Variants in TFPI observed in about 807,000 individuals in gnomAD.
TFPI encodes tissue factor pathway inhibitor, also known as anti-convertin.
TFPI carries 15 observed loss-of-function variants against 34.6 expected under a neutral mutation model. The observed-to-expected ratio is 0.43, with a 90% confidence interval of 0.29 to 0.67. TFPI has a LOEUF of 0.67. Ranked by LOEUF, TFPI falls within the 30% of genes least tolerant of loss-of-function variation. The pLI, the probability that TFPI is intolerant of heterozygous loss-of-function variation, is 0.15. For synonymous variants in TFPI, 105 were observed against 120.1 expected, an observed-to-expected ratio of 0.87 and a Z score of 0.82; for missense variants, 301 against 364.0, an observed-to-expected ratio of 0.83 and a Z score of 1.41.
intron 1 of TFPI, among the ~76,000 whole-genome samples, chr2:187,553,858 A>G (rs1204329368): frequency 6.6e-6 from 1 of 152,214 alleles, no homozygotes; most frequent in Non-Finnish European, 1.5e-5. Context: ...AACTTTCAAG[A>G]ACTTCCAATT....
rs1407092695 is a variant in TFPI, at chr2:187,497,424, C to T, written c.122-346G>A. On this transcript the variant is annotated intron_variant, in intron 2 of 7. Coordinates refer to ENST00000233156, the MANE Select transcript of TFPI (RefSeq NM_006287.6). ...CAGTTCTTTGAATTTCTCTCCCTAACCCACACTTGTGTCACTTTTTACACA... is the reference window on the plus strand; with the variant it reads ...CAGTTCTTTGAATTTCTCTCCCTAATCCACACTTGTGTCACTTTTTACACA... Among the ~76,000 whole-genome samples the T allele has an allele frequency of 2.0e-5, 3 of 151,984 alleles. No individual in the cohort carries two copies. The South Asian group carries it at 6.2e-4, about 31-fold the overall frequency.
chr2:187,513,032 G>A (rs1007571777), intron 1 of TFPI, among the ~76,000 whole-genome samples: 2 of 152,164 alleles, frequency 1.3e-5, no homozygotes, highest in Non-Finnish European at 2.9e-5. Flanking sequence ...TGTGCAAGGT[G>A]TATAAGGAAA....
At chr2:187,506,641 T>C (rs1170594512) in intron 1 of TFPI, among the ~76,000 whole-genome samples, 1 of 152,082 alleles carries the variant, frequency 6.6e-6, no homozygotes, top group Non-Finnish European at 1.5e-5. Context: ...ATCTTGACAG[T>C]TTTGAATAAT....
chr2:187,527,040 G>C (rs1189259977), intron 1 of TFPI: 1 of 151,920 alleles, frequency 6.6e-6, no homozygotes, highest in African/African-American at 2.4e-5. Flanking sequence ...TTTTTGTTTT[G>C]TTTTATCTTT....
intron 1 of TFPI, among the ~76,000 whole-genome samples, chr2:187,533,154 A>G (rs897528505): frequency 1.3e-5 from 2 of 152,160 alleles, no homozygotes; most frequent in African/African-American, 4.8e-5. Context: ...AGACTTAAAC[A>G]TTCGTGTCTG....
At chr2:187,487,384 A>G (rs1282428432) in intron 4 of TFPI, among the ~76,000 whole-genome samples, 1 of 151,468 alleles carries the variant, frequency 6.6e-6, no homozygotes, top group East Asian at 1.9e-4. Context: ...TCTTTATTTT[A>G]TACATTTTGA....
intron 2 of TFPI, among the ~76,000 whole-genome samples, chr2:187,500,521 A>C (rs1157295228): frequency 6.6e-6 from 1 of 152,122 alleles, no homozygotes; most frequent in Non-Finnish European, 1.5e-5. Flanking sequence ...CTCAATCAAC[A>C]ACATTTTTTT....
intron 1 of TFPI, among the ~76,000 whole-genome samples, chr2:187,543,757 A>G (rs1311057527): frequency 6.6e-6 from 1 of 152,154 alleles, no homozygotes; most frequent in Non-Finnish European, 1.5e-5. Context: ...CTGGCTAACA[A>G]GTTGAGAGGG....
At chr2:187,494,248 G>A (rs1341485676) in intron 3 of TFPI, among the ~76,000 whole-genome samples, 1 of 151,420 alleles carries the variant, frequency 6.6e-6, no homozygotes, top group African/African-American at 2.4e-5. Flanking sequence ...GGGAATTATG[G>A]GAGCTACAAG....
At position 187,484,907 on chromosome 2, in the gene TFPI, T is replaced by C; in HGVS notation, c.439A>G (p.Thr147Ala). Residue 147 changes from threonine to alanine, a missense_variant, in exon 5 of 8, where the codon ACA becomes GCA. Coordinates refer to ENST00000233156, the MANE Select transcript of TFPI (RefSeq NM_006287.6). The part of the protein sequence containing the change: ...YITRYFYNNQ[T>A]KQCERFKYGG... Reference sequence around the variant, plus strand: ...TACTTGAAACGTTCACACTGTTTTGTCTGATTGTTATAAAAATACCTGGTA... The same window carrying C: ...TACTTGAAACGTTCACACTGTTTTGCCTGATTGTTATAAAAATACCTGGTA... 1 of 1,589,574 alleles carries C rather than the reference T, an allele frequency of 6.3e-7. No individual in the cohort carries two copies. The highest frequency in any genetic ancestry group is 8.5e-7 in the Non-Finnish European group (1 of 1,170,914).
intron 1 of TFPI, among the ~76,000 whole-genome samples, chr2:187,521,522 C>T (rs998132818): frequency 1.3e-5 from 2 of 151,850 alleles, no homozygotes; most frequent in Non-Finnish European, 2.9e-5. Flanking sequence ...ATATTAATAC[C>T]CATAGCTACT....
chr2:187,540,206 G>A (rs556927600), intron 1 of TFPI, among the ~76,000 whole-genome samples: 7 of 152,062 alleles, frequency 4.6e-5, no homozygotes, highest in African/African-American at 1.4e-4. Context: ...CCCCGGCCAC[G>A]TCATCCTCAT....
intron 1 of TFPI, among the ~76,000 whole-genome samples, chr2:187,530,235 A>G (rs1032971340): frequency 1.3e-5 from 2 of 152,188 alleles, no homozygotes; most frequent in Non-Finnish European, 2.9e-5. Flanking sequence ...AAATTGAGTA[A>G]TATATTTGTT....
Position 187,488,319 on chromosome 2 carries a change from A to C in TFPI, c.358+18T>G. 1 of 1,550,946 alleles carries C rather than the reference A, an allele frequency of 6.4e-7. No individual in the cohort carries two copies. The highest frequency in any genetic ancestry group is 8.6e-7 in the Non-Finnish European group (1 of 1,156,814). On this transcript the variant is annotated intron_variant, in intron 4 of 7. Transcript: ENST00000233156. ...CCTTACATAAATGCTTCAAATTTAC[A>C]GACAAATAAATGTTCACCTTGTTGC...
intron 1 of TFPI, among the ~76,000 whole-genome samples, chr2:187,507,501 G>A (rs1686307759): frequency 6.6e-6 from 1 of 152,054 alleles, no homozygotes; most frequent in Admixed American, 6.6e-5. Context: ...GTATAAAAGA[G>A]TTTTTATTTC....
At chr2:187,467,371 T>C (rs1352379543) in intron 7 of TFPI, among the ~76,000 whole-genome samples, 1 of 152,030 alleles carries the variant, frequency 6.6e-6, no homozygotes, top group East Asian at 1.9e-4. Flanking sequence ...ATTTGCATTT[T>C]TATACTCTTC....
At chr2:187,523,941 A>G (rs1354934230) in intron 1 of TFPI, among the ~76,000 whole-genome samples, 1 of 152,082 alleles carries the variant, frequency 6.6e-6, no homozygotes, top group Non-Finnish European at 1.5e-5. Flanking sequence ...GTAGGAAACA[A>G]TTATTTGGCT....
chr2:187,530,028 TG>T (rs1322716715), intron 1 of TFPI, among the ~76,000 whole-genome samples: 10 of 152,214 alleles, frequency 6.6e-5, no homozygotes, highest in Admixed American at 4.6e-4. Context: ...AGTACTGGTC[TG>T]GGAAAGTGAC....
intron 3 of TFPI, 115 bp from the exon 4 acceptor site, chr2:187,488,490 C>G (rs1305294086): frequency 3.6e-6 from 2 of 561,102 alleles, no homozygotes; most frequent in Non-Finnish European, 5.8e-6. Context: ...TATTCTTATA[C>G]AGAATGTCTT....
Sources: allele counts gnomAD v4.1 joint callset (sites outside exome capture counted in the v4.1 genomes callset), GRCh38; gene constraint gnomAD v4.1.1; transcripts MANE v1.5; gene names NCBI Gene and HGNC (gene_info 2026-07-23, HGNC 2026-07-21).